OSBPL2: variants seen among roughly 807,000 people sequenced by gnomAD.
OSBPL2 encodes oxysterol binding protein like 2.
A neutral mutation model predicts 58.4 loss-of-function variants in OSBPL2; 18 were observed. That is an observed-to-expected ratio of 0.31 (90% confidence interval 0.21 to 0.46). The LOEUF (loss-of-function observed/expected upper bound fraction) is 0.46, where lower values mean the gene tolerates loss of function less well. OSBPL2 is among the 20% of genes least tolerant of loss of function. The pLI is 1.00. For synonymous variants in OSBPL2, 221 were observed against 234.1 expected (o/e 0.94, Z 0.51); for missense variants, 461 against 616.5 (o/e 0.75, Z 2.67).
chr20:62,242,826 G>A (rs768285667), intron 1 of OSBPL2, among the ~76,000 whole-genome samples: 7 of 152,218 alleles, frequency 4.6e-5, no homozygotes, highest in South Asian at 2.1e-4. Context: ...CCCAGAGAGC[G>A]CCTGTTGTGG....
intron 1 of OSBPL2, among the ~76,000 whole-genome samples, chr20:62,240,705 C>T (rs759431680): frequency 3.9e-5 from 6 of 152,198 alleles, no homozygotes; most frequent in South Asian, 2.1e-4. Context: ...TACTCTGTGT[C>T]AGAATTTCGG....
chr20:62,256,025 A>G (rs746921704), intron 1 of OSBPL2, 32 bp from the exon 2 acceptor site: 19 of 642,628 alleles, frequency 3.0e-5, no homozygotes, highest in Middle Eastern at 5.0e-4. Context: ...AACTTCTGGA[A>G]GCTAAGTATG....
intron 1 of OSBPL2, among the ~76,000 whole-genome samples, chr20:62,240,554 A>T (rs560597200): frequency 6.6e-6 from 1 of 152,336 alleles, no homozygotes; most frequent in East Asian, 1.9e-4. Context: ...AACTTACCTA[A>T]ACCACACAGC....
At chr20:62,256,259 G>A (rs1227160563) in intron 2 of OSBPL2, 38 bp downstream of exon 2, 1 of 1,578,534 alleles carries the variant, frequency 6.3e-7, no homozygotes, top group Non-Finnish European at 8.7e-7. Flanking sequence ...CGTACTGGAA[G>A]GGTGAACGTC....
At chr20:62,273,442 A>G in intron 6 of OSBPL2, 36 bp downstream of exon 6, 1 of 1,434,836 alleles carries the variant, frequency 7.0e-7, no homozygotes, top group Non-Finnish European at 9.7e-7. Flanking sequence ...ATATCTTGTA[A>G]ATGGAATTCC....
rs577758772 is a variant in OSBPL2, at chr20:62,287,265, G to A, written c.1125+554G>A. ...TATGGTTATATGATAAATATCACAC[G>A]TAATATCTTAGTATTTTTTATAAAT... On this transcript the variant is annotated intron_variant, in intron 11 of 13. Coordinates refer to ENST00000313733, the MANE Select transcript of OSBPL2 (RefSeq NM_144498.4). Among the ~76,000 whole-genome samples the A allele has an allele frequency of 3.0e-3, 456 of 152,234 alleles. 1 individual carries two copies. The highest frequency in any genetic ancestry group is 5.2e-3 in the Non-Finnish European group (351 of 68,030).
intron 1 of OSBPL2, among the ~76,000 whole-genome samples, chr20:62,251,477 C>T (rs571132935): frequency 7.3e-5 from 11 of 149,878 alleles, no homozygotes; most frequent in South Asian, 2.1e-4. Context: ...AGTGCAATCT[C>T]GGCTCACTGC....
At chr20:62,252,783 G>A (rs536835576) in intron 1 of OSBPL2, among the ~76,000 whole-genome samples, 4 of 152,370 alleles carry the variant, frequency 2.6e-5, no homozygotes, top group African/African-American at 4.8e-5. Context: ...GCTTTTACTC[G>A]TGGTGGAAGG....
intron 5 of OSBPL2, 78 bp from the exon 6 acceptor site, chr20:62,273,230 CG>C (rs1239383740): frequency 9.2e-7 from 1 of 1,085,286 alleles, no homozygotes; most frequent in African/African-American, 1.6e-5. Flanking sequence ...AGGTGCCCAC[CG>C]CCCTCCACAA....
chr20:62,241,600 C>G (rs1047972572), intron 1 of OSBPL2, among the ~76,000 whole-genome samples: 4 of 152,286 alleles, frequency 2.6e-5, no homozygotes, highest in African/African-American at 9.6e-5. Flanking sequence ...GTCACAGCAT[C>G]TTTGCGAAGG....
chr20:62,274,695 C>T (rs1156707088), intron 6 of OSBPL2, among the ~76,000 whole-genome samples: 1 of 152,236 alleles, frequency 6.6e-6, no homozygotes, highest in Non-Finnish European at 1.5e-5. Flanking sequence ...GCACACAGAG[C>T]TCGCTCCGCC....
At chr20:62,287,675 C>T (rs965942396) in intron 11 of OSBPL2, among the ~76,000 whole-genome samples, 3 of 152,168 alleles carry the variant, frequency 2.0e-5, no homozygotes, top group African/African-American at 7.2e-5. Flanking sequence ...AGGCTGGTCT[C>T]GAACTCCTGG....
At position 62,289,207 on chromosome 20, in the gene OSBPL2, A is replaced by G. The variant is rs941177876; in HGVS notation, c.1126A>G (p.Met376Val). 6.2e-7 allele frequency: 1 copy of G among 1,613,538 alleles called. No homozygotes were observed. The highest frequency in any genetic ancestry group is 1.3e-5 in the African/African-American group (1 of 74,894). ...INTRPPNSAQ[M>V]YNFTSFTVSL... The stretch of plus-strand genomic sequence containing the variant: ...CGTGTCTCTGTGCCTTGCTCCACAG[A>G]TGTATAATTTCACCAGTTTCACTGT... The change falls in exon 12 of 14, where the codon ATG becomes GTG. Residue 376 changes from methionine (M) to valine (V), a missense_variant and splice_region_variant. Physicochemically the swap from Met to Val is conservative, Grantham distance 21. Coordinates refer to ENST00000313733, the MANE Select transcript of OSBPL2 (RefSeq NM_144498.4).
chr20:62,287,495 C>G (rs1242485371), intron 11 of OSBPL2, among the ~76,000 whole-genome samples: 1 of 152,210 alleles, frequency 6.6e-6, no homozygotes, highest in Non-Finnish European at 1.5e-5. Context: ...CTCGCTCTGT[C>G]ACCCAGGCTG....
chr20:62,268,739 A>G (rs757468773), intron 4 of OSBPL2, among the ~76,000 whole-genome samples: 20 of 152,120 alleles, frequency 1.3e-4, no homozygotes, highest in Non-Finnish European at 2.4e-4. Context: ...AGCTGGGACT[A>G]CAGGAACCCA....
At chr20:62,283,942 A>G in intron 9 of OSBPL2, 104 bp from the exon 10 acceptor site, 2 of 1,174,540 alleles carry the variant, frequency 1.7e-6, no homozygotes, top group South Asian at 1.4e-5. Flanking sequence ...CCCAAGATGC[A>G]TAAGAAAACA....
intron 5 of OSBPL2, among the ~76,000 whole-genome samples, chr20:62,272,721 G>T (rs1006427732): frequency 6.6e-6 from 1 of 152,172 alleles, no homozygotes; most frequent in South Asian, 2.1e-4. Flanking sequence ...CAGTGAGACC[G>T]CATCTCTACA....
chr20:62,250,748 C>A (rs994432357), intron 1 of OSBPL2, among the ~76,000 whole-genome samples: 5 of 152,036 alleles, frequency 3.3e-5, no homozygotes, highest in African/African-American at 1.2e-4. Context: ...TAGAGAGACC[C>A]TGTCCCTACA....
chr20:62,241,254 G>A (rs911246845), intron 1 of OSBPL2, among the ~76,000 whole-genome samples: 8 of 151,862 alleles, frequency 5.3e-5, no homozygotes, highest in African/African-American at 1.7e-4. Context: ...CACTGCAAAC[G>A]CGAACTCAGC....
Sources: gnomAD v4.1 joint callset for allele counts (sites outside exome capture counted in the v4.1 genomes callset) on GRCh38, gnomAD v4.1.1 for gene constraint, MANE v1.5 for transcripts, NCBI Gene and HGNC (gene_info 2026-07-23, HGNC 2026-07-21) for gene names.